Variants in TENM3 observed in about 807,000 individuals in gnomAD.
The protein encoded by TENM3 is teneurin transmembrane protein 3.
A neutral mutation model predicts 255.1 loss-of-function variants in TENM3; 63 were observed. The observed-to-expected ratio is 0.25, with a 90% confidence interval of 0.20 to 0.30. TENM3 has a LOEUF of 0.30. Among genes scored for constraint, TENM3 ranks in the 10% least tolerant of loss-of-function variants. The pLI is 1.00. For synonymous variants in TENM3, 1,306 were observed against 1,322.3 expected, an observed-to-expected ratio of 0.99 and a Z score of 0.27; for missense variants, 2,929 against 3,461.1, an observed-to-expected ratio of 0.85 and a Z score of 3.86.
chr4:181,461,715 C>A, the TENM3 span, among the ~76,000 whole-genome samples: 1 of 152,032 alleles, frequency 6.6e-6, no homozygotes, highest in Non-Finnish European at 1.5e-5. Context: ...CACTGGGTTT[C>A]TTTTCTCTAT....
chr4:182,370,593 G>A (rs546527163), intron 3 of TENM3, among the ~76,000 whole-genome samples: 6 of 152,132 alleles, frequency 3.9e-5, no homozygotes, highest in Non-Finnish European at 8.8e-5. Context: ...AGAGAACAAC[G>A]TGGTGTGGTA....
chr4:181,614,386 T>C, the TENM3 span, among the ~76,000 whole-genome samples: 1 of 152,166 alleles, frequency 6.6e-6, no homozygotes, highest in Non-Finnish European at 1.5e-5. Context: ...TGGGGGACAG[T>C]AATTTTTAAA....
chr4:182,781,599 C>G (rs1765172357), intron 24 of TENM3, among the ~76,000 whole-genome samples: 1 of 151,708 alleles, frequency 6.6e-6, no homozygotes, highest in African/African-American at 2.4e-5. Context: ...CCCTCTTTTT[C>G]TGTTGATTGG....
At chr4:182,039,636 A>G in the TENM3 span, among the ~76,000 whole-genome samples, 5 of 151,998 alleles carry the variant, frequency 3.3e-5, no homozygotes, top group Admixed American at 6.5e-5. Context: ...GCACATATAC[A>G]TACATACATG....
chr4:181,449,287 T>A, the TENM3 span, among the ~76,000 whole-genome samples: 4 of 152,156 alleles, frequency 2.6e-5, no homozygotes, highest in Non-Finnish European at 4.4e-5. Flanking sequence ...CATTTTTCAA[T>A]ATTGCTGGTG....
At chr4:181,698,225 A>AT in the TENM3 span, among the ~76,000 whole-genome samples, 2 of 151,990 alleles carry the variant, frequency 1.3e-5, no homozygotes, top group Non-Finnish European at 2.9e-5. Context: ...AAAAAAAAAA[A>AT]AAAAAGATAA....
intron 17 of TENM3, 74 bp downstream of exon 17, chr4:182,737,149 C>T (rs184167461): frequency 4.1e-6 from 6 of 1,455,088 alleles, no homozygotes; most frequent in South Asian, 2.6e-5. Flanking sequence ...AATTGTAACC[C>T]AGGGAAGTCA....
chr4:181,814,311 A>G, the TENM3 span, among the ~76,000 whole-genome samples: 1 of 152,322 alleles, frequency 6.6e-6, no homozygotes, highest in African/African-American at 2.4e-5. Context: ...TTATTATACA[A>G]AGTTTACAAA....
chr4:182,233,831 GA>G (rs1756727673), intron 1 of TENM3, among the ~76,000 whole-genome samples: 1 of 152,258 alleles, frequency 6.6e-6, no homozygotes, highest in Non-Finnish European at 1.5e-5. Context: ...GGAAACTGCA[GA>G]TATGCAACAT....
chr4:182,769,429 G>GAA (rs60448131), intron 22 of TENM3, among the ~76,000 whole-genome samples: 4 of 143,094 alleles, frequency 2.8e-5, no homozygotes, highest in African/African-American at 1.0e-4. Flanking sequence ...GCACTGAAAT[G>GAA]AAAAAAAAAA....
the TENM3 span, among the ~76,000 whole-genome samples, chr4:181,501,934 G>A: frequency 3.3e-5 from 5 of 152,096 alleles, no homozygotes; most frequent in Admixed American, 2.0e-4. Flanking sequence ...CAGGGTGAAG[G>A]GCAGGTGCAG....
chr4:181,723,184 A>T, the TENM3 span, among the ~76,000 whole-genome samples: 1 of 151,600 alleles, frequency 6.6e-6, no homozygotes, highest in East Asian at 1.9e-4. Flanking sequence ...CCTTAATTTC[A>T]ATGATTGTAC....
intron 1 of TENM3, among the ~76,000 whole-genome samples, chr4:182,161,664 A>ATAT (rs1751220244): frequency 5.0e-5 from 4 of 80,146 alleles, no homozygotes; most frequent in Admixed American, 1.3e-4. Flanking sequence ...CACACACACA[A>ATAT]ATATATATAT....
intron 3 of TENM3, among the ~76,000 whole-genome samples, chr4:182,394,835 A>G (rs1768690634): frequency 6.6e-6 from 1 of 152,226 alleles, no homozygotes; most frequent in Admixed American, 6.5e-5. Context: ...TGATCAATCT[A>G]CAATTCCCAG....
chr4:182,701,210 C>CTTTTTTTTGTTTTTTTTTTTTTTT, intron 12 of TENM3, among the ~76,000 whole-genome samples: 1 of 38,642 alleles, frequency 2.6e-5, no homozygotes, highest in Non-Finnish European at 4.3e-5. Flanking sequence ...CAACTCTTGA[C>CTTTTTTTTGTTTTTTTTTTTTTTT]TTTTTTTTTT....
At chr4:181,906,807 G>T in the TENM3 span, among the ~76,000 whole-genome samples, 1 of 152,118 alleles carries the variant, frequency 6.6e-6, no homozygotes, top group Non-Finnish European at 1.5e-5. Context: ...TCTGCCTCCC[G>T]AGTAGCTGGG....
intron 3 of TENM3, among the ~76,000 whole-genome samples, chr4:182,378,410 T>C (rs1188575322): frequency 6.6e-6 from 1 of 151,966 alleles, no homozygotes; most frequent in Admixed American, 6.6e-5. Context: ...CTGGCTTCTG[T>C]GAGAGGGGGT....
At chr4:181,571,207 GC>G in the TENM3 span, among the ~76,000 whole-genome samples, 1 of 152,168 alleles carries the variant, frequency 6.6e-6, no homozygotes, top group Non-Finnish European at 1.5e-5. Flanking sequence ...GAAGCTGGAG[GC>G]GGGAAAGTAG....
intron 19 of TENM3, among the ~76,000 whole-genome samples, chr4:182,748,082 C>G (rs1309615563): frequency 6.6e-6 from 1 of 152,146 alleles, no homozygotes; most frequent in Non-Finnish European, 1.5e-5. Flanking sequence ...GCAAATCCAG[C>G]CTGCACTTAC....
Sources: allele counts gnomAD v4.1 joint callset (sites outside exome capture counted in the v4.1 genomes callset), GRCh38; gene constraint gnomAD v4.1.1; transcripts MANE v1.5; gene names NCBI Gene and HGNC (gene_info 2026-07-23, HGNC 2026-07-21).